The following NSD3 variants were observed in gnomAD, a reference collection of about 807,000 sequenced individuals.
NSD3 encodes the protein nuclear receptor binding SET domain protein 3.
A neutral mutation model predicts 160.8 loss-of-function variants in NSD3; 24 were observed. That is an observed-to-expected ratio of 0.15 (90% CI 0.11 to 0.21). NSD3 has a LOEUF of 0.21. NSD3 is among the 10% of genes least tolerant of loss of function. The pLI is 1.00. For missense variants in NSD3, 1,157 were observed against 1,735.9 expected (o/e 0.67, Z 5.93); for synonymous variants, 520 against 600.0 (o/e 0.87, Z 1.95).
At chr8:38,304,306 A>T (rs764102788) in intron 14 of NSD3, among the ~76,000 whole-genome samples, 6 of 152,218 alleles carry the variant, frequency 3.9e-5, no homozygotes, top group Admixed American at 6.5e-5. Context: ...AATGCTCCAA[A>T]CAGAAAAACT....
chr8:38,300,948 T>C (rs1210588357), intron 14 of NSD3, among the ~76,000 whole-genome samples: 1 of 152,142 alleles, frequency 6.6e-6, no homozygotes, highest in Non-Finnish European at 1.5e-5. Flanking sequence ...GAACTTGAAA[T>C]TACTAACAAT....
rs905399631 is a variant in NSD3 at position 38,272,449 on chromosome 8, G to C, written c.*3192C>G. The C allele has an allele frequency of 6.6e-6, 1 of 152,240 alleles. No individual in the cohort carries two copies. The highest frequency in any genetic ancestry group is 1.5e-5 in the Non-Finnish European group (1 of 68,082). 9.4% of individuals were successfully genotyped at this position (152,240 alleles called of 1,614,324 possible). ...GCTGCTTCAGCCTTCCAGGAATGAAGAGCCATCCACCTTGCCCTTCTCAGC... is the reference window on the plus strand; with the variant it reads ...GCTGCTTCAGCCTTCCAGGAATGAACAGCCATCCACCTTGCCCTTCTCAGC... On this transcript the variant is annotated 3_prime_UTR_variant, in exon 24 of 24. Transcript: ENST00000317025.
In NSD3 at chr8:38,316,434, T is replaced by C; in HGVS notation, c.1856-392A>G. On this transcript the variant is annotated intron_variant, in intron 9 of 23. Transcript: ENST00000317025. The surrounding 1 kb of genome is among the most constrained non-coding windows in gnomAD (Gnocchi z 4.5). ...ACACTGTGTAGCTTACAAATATGGTTGCAGAGACATCTCCATCTTGTTTTT... is the reference window on the plus strand; with the variant it reads ...ACACTGTGTAGCTTACAAATATGGTCGCAGAGACATCTCCATCTTGTTTTT... 9.6e-7 allele frequency: 1 copy of C among 1,044,808 alleles called. No individual in the cohort carries two copies. Among genetic ancestry groups the C allele is most frequent in the East Asian group, 5.7e-5 (1 of 17,420 alleles). 64.7% of individuals were successfully genotyped at this position (1,044,808 alleles called of 1,614,324 possible). A position where few individuals can be genotyped will look rare whatever the true frequency, so the allele number is the denominator to read the frequency against.
intron 6 of NSD3, among the ~76,000 whole-genome samples, chr8:38,328,988 T>C (rs912850357): frequency 2.0e-5 from 3 of 152,200 alleles, no homozygotes; most frequent in African/African-American, 7.2e-5. Context: ...ATTACAGTGG[T>C]TTTTATAACA....
At chr8:38,325,206 G>A (rs1046108827) in intron 7 of NSD3, among the ~76,000 whole-genome samples, 26 of 152,108 alleles carry the variant, frequency 1.7e-4, no homozygotes, top group African/African-American at 6.3e-4. Context: ...TTAACCTGAG[G>A]GATTGGACTC....
At chr8:38,374,847 A>C (rs1811348913) in intron 1 of NSD3, among the ~76,000 whole-genome samples, 1 of 152,066 alleles carries the variant, frequency 6.6e-6, no homozygotes, top group Non-Finnish European at 1.5e-5. Context: ...TACTAAAAAT[A>C]CAAAAAATTA....
At chr8:38,291,626 G>C (rs144818849) in intron 16 of NSD3, among the ~76,000 whole-genome samples, 45 of 152,262 alleles carry the variant, frequency 3.0e-4, no homozygotes, top group African/African-American at 1.0e-3. Context: ...GAATCCATGC[G>C]CAAATTGTAA....
Position 38,341,126 on chromosome 8 carries a change from G to A in NSD3, c.676-2519C>T, listed in dbSNP as rs192684040. Among the ~76,000 whole-genome samples, 18 of 152,234 alleles carry A rather than the reference G, an allele frequency of 1.2e-4. No homozygotes were observed. In the South Asian group the frequency reaches 2.3e-3, roughly 19 times the overall value. ...AGCCTGGGTGATGGAGCGAAACCCCGTCTCTTAAAACAACAACAACAAACA... is the reference window on the plus strand; with the variant it reads ...AGCCTGGGTGATGGAGCGAAACCCCATCTCTTAAAACAACAACAACAAACA... On this transcript the variant is annotated intron_variant, in intron 2 of 23. Transcript: ENST00000317025.
chr8:38,366,418 CT>C (rs374656504), intron 1 of NSD3, among the ~76,000 whole-genome samples: 11,287 of 132,058 alleles, frequency 0.085, 721 homozygotes, highest in East Asian at 0.33. Context: ...CTACTTAATT[CT>C]TTTTTTTTTT....
intron 23 of NSD3, 137 bp downstream of exon 23, chr8:38,276,159 A>G: frequency 9.8e-7 from 1 of 1,022,602 alleles, no homozygotes; most frequent in Non-Finnish European, 1.4e-6. Flanking sequence ...GTAAGGGGAA[A>G]GATTTTTGCC....
chr8:38,304,068 C>G (rs117236346), intron 14 of NSD3, among the ~76,000 whole-genome samples: 2,230 of 152,322 alleles, frequency 0.015, 23 homozygotes, highest in Non-Finnish European at 0.024. Context: ...TGGCTCTGAA[C>G]TAACACCACC....
Position 38,317,800 on chromosome 8 carries a change from G to T in NSD3, c.1855+1095C>A, listed in dbSNP as rs1809705580. The T allele has an allele frequency of 1.3e-5, 19 of 1,446,756 alleles. No individual in the cohort carries two copies. The highest frequency in any genetic ancestry group is 1.6e-5 in the Non-Finnish European group (18 of 1,103,686). 89.6% of individuals were successfully genotyped at this position (1,446,756 alleles called of 1,614,324 possible). On this transcript the variant is annotated intron_variant, in intron 9 of 23. Transcript: ENST00000317025. This position sits in a 1 kb window ranked among gnomAD's most constrained non-coding sequence, Gnocchi z 5.3. ...ATTTGACTGTTAAAGCAATTGTTCA[G>T]AGTCTTGAAGAAGAAACCAGGCAGG...
chr8:38,344,433 G>A (rs1370188926), intron 2 of NSD3, among the ~76,000 whole-genome samples: 2 of 152,030 alleles, frequency 1.3e-5, no homozygotes, highest in Non-Finnish European at 2.9e-5. Context: ...CACCACGCCC[G>A]GCTAATTTTT....
At chr8:38,277,066 C>T (rs975197279) in intron 22 of NSD3, among the ~76,000 whole-genome samples, 5 of 151,964 alleles carry the variant, frequency 3.3e-5, no homozygotes, top group African/African-American at 4.8e-5. Context: ...CTTAGCCTCC[C>T]GAGTAGCTGG....
chr8:38,306,385 A>T (rs753408868), intron 12 of NSD3, among the ~76,000 whole-genome samples: 3 of 152,160 alleles, frequency 2.0e-5, no homozygotes, highest in Non-Finnish European at 4.4e-5. Context: ...TAAACTATTA[A>T]AAGAAATTGA....
chr8:38,371,564 T>C (rs1276873493), intron 1 of NSD3, among the ~76,000 whole-genome samples: 2 of 152,164 alleles, frequency 1.3e-5, no homozygotes, highest in Non-Finnish European at 2.9e-5. Flanking sequence ...GCAAGAAATA[T>C]ATTTAACCTT....
rs1808489426 is a variant in NSD3 at position 38,271,752 on chromosome 8, C to G, written c.*3889G>C. 1 of 152,200 alleles carries G rather than the reference C, an allele frequency of 6.6e-6. No homozygotes were observed. The highest frequency in any genetic ancestry group is 2.1e-4 in the South Asian group (1 of 4,834). The allele number at this position is 152,200 out of a possible 1,614,324, so 9.4% of individuals were successfully genotyped here. A position where few individuals can be genotyped will look rare whatever the true frequency, so the allele number is the denominator to read the frequency against. On this transcript the variant is annotated 3_prime_UTR_variant, in exon 24 of 24. Coordinates refer to ENST00000317025, the MANE Select transcript of NSD3 (RefSeq NM_023034.2). ...CGCTGCCCAGAAATAAAGCAACTTT[C>G]CAATGTCCTTTTTCTCATATGGAAG...
chr8:38,371,354 A>G (rs1157911423), intron 1 of NSD3, among the ~76,000 whole-genome samples: 1 of 152,160 alleles, frequency 6.6e-6, no homozygotes, highest in Non-Finnish European at 1.5e-5. Flanking sequence ...TTTTCCATTA[A>G]AAAATAAAAA....
Position 38,318,033 on chromosome 8 carries a change from C to G in NSD3, c.1855+862G>C. On this transcript the variant is annotated intron_variant, in intron 9 of 23. Coordinates refer to ENST00000317025, the MANE Select transcript of NSD3 (RefSeq NM_023034.2). The surrounding 1 kb of genome is among the most constrained non-coding windows in gnomAD (Gnocchi z 5.3). ...ACAGAGCCCTGCACTCCCCGGTCCG[C>G]CGACCCTGTGGAATGGTGGAAACAC... The G allele has an allele frequency of 6.2e-7, 1 of 1,614,080 alleles. No homozygotes were observed. Among genetic ancestry groups the G allele is most frequent in the Non-Finnish European group, 8.5e-7 (1 of 1,180,014 alleles).
Sources: allele counts gnomAD v4.1 joint callset (sites outside exome capture counted in the v4.1 genomes callset), GRCh38; gene constraint gnomAD v4.1.1; non-coding constraint Gnocchi (gnomAD v3.1); transcripts MANE v1.5; gene names NCBI Gene and HGNC (gene_info 2026-07-23, HGNC 2026-07-21).